Variants in CASZ1 observed in about 807,000 individuals in gnomAD.
CASZ1 encodes castor zinc finger 1, also known as zinc finger protein castor homolog 1.
A neutral mutation model predicts 135.2 loss-of-function variants in CASZ1; 28 were observed. The ratio of observed to expected loss-of-function variants is 0.21; its 90% confidence interval spans 0.15 to 0.28. The LOEUF (loss-of-function observed/expected upper bound fraction) is 0.28. Among genes scored for constraint, CASZ1 ranks in the 10% least tolerant of loss-of-function variants. The pLI is 1.00. For synonymous variants in CASZ1, 1,068 were observed against 1,073.4 expected (o/e 0.99, Z 0.10); for missense variants, 2,161 against 2,453.3 (o/e 0.88, Z 2.52).
At chr1:10,778,141 G>A (rs956858696) in intron 1 of CASZ1, among the ~76,000 whole-genome samples, 3 of 150,072 alleles carry the variant, frequency 2.0e-5, no homozygotes, top group Non-Finnish European at 4.4e-5. Flanking sequence ...TCAAACACAA[G>A]CACAATCTCA....
rs986732895 is a variant in CASZ1 at position 10,657,056 on chromosome 1, G to T, written c.1410-320C>A. Among the ~76,000 whole-genome samples the T allele has an allele frequency of 6.6e-6, 1 of 152,198 alleles. No individual in the cohort carries two copies. The highest frequency in any genetic ancestry group is 1.5e-5 in the Non-Finnish European group (1 of 68,024). ...CTGCCCACCTGTCTTTTCTGCAGGG[G>T]CTACCTGCCCCACTCCCAGCCCGCC... On this transcript the variant is annotated intron_variant, in intron 7 of 20. Transcript: ENST00000377022. The surrounding 1 kb of genome is among the most constrained non-coding windows in gnomAD (Gnocchi z 5.7).
Position 10,701,737 on chromosome 1 carries a change from C to A in CASZ1, c.-24+3755G>T, listed in dbSNP as rs1381203469. ...CTGGTTTGAGGGCTGGCAGCCTTGG[C>A]CGGGACGGACTGGGGCCAGGGCTCA... On this transcript the variant is annotated intron_variant, in intron 3 of 20. Coordinates refer to ENST00000377022, the MANE Select transcript of CASZ1 (RefSeq NM_001079843.3). The surrounding 1 kb of genome is among the most constrained non-coding windows in gnomAD (Gnocchi z 6.3). 6.6e-6 allele frequency among the ~76,000 whole-genome samples: 1 copy of A among 152,198 alleles called. No individual in the cohort carries two copies. Among genetic ancestry groups the A allele is most frequent in the African/African-American group, 2.4e-5 (1 of 41,444 alleles).
At chr1:10,713,016 C>T (rs533856214) in intron 2 of CASZ1, among the ~76,000 whole-genome samples, 2 of 152,242 alleles carry the variant, frequency 1.3e-5, no homozygotes, top group East Asian at 1.9e-4. Context: ...GGGGCAGCCC[C>T]CTCAAGCTCC....
At chr1:10,781,265 C>T (rs1327866010) in intron 1 of CASZ1, among the ~76,000 whole-genome samples, 1 of 152,216 alleles carries the variant, frequency 6.6e-6, no homozygotes, top group Non-Finnish European at 1.5e-5. Flanking sequence ...TGTGCAATGA[C>T]TCGGAGGACA....
rs77790582 is a variant in CASZ1, at chr1:10,668,701, G to A, written c.17-3130C>T. ...TGGGGTCAGGGAGTTGGGAGCTCACGGCGGAGCTCTGCCCTGCGCTAGCTC... is the reference window on the plus strand; with the variant it reads ...TGGGGTCAGGGAGTTGGGAGCTCACAGCGGAGCTCTGCCCTGCGCTAGCTC... On this transcript the variant is annotated intron_variant, in intron 4 of 20. Coordinates refer to ENST00000377022, the MANE Select transcript of CASZ1 (RefSeq NM_001079843.3). 9.3e-3 allele frequency among the ~76,000 whole-genome samples: 1,424 copies of A among 152,352 alleles called. 31 individuals carry two copies. The highest frequency in any genetic ancestry group is 0.033 in the African/African-American group (1,363 of 41,594).
intron 6 of CASZ1, 84 bp from the exon 7 acceptor site, chr1:10,658,660 CTG>C: frequency 8.2e-7 from 1 of 1,225,124 alleles, no homozygotes; most frequent in East Asian, 2.3e-5. Flanking sequence ...AGCCCCTGCC[CTG>C]AGGCCCCAGC....
rs1285036104 is a variant in CASZ1 at position 10,646,071 on chromosome 1, A to G, written c.3696+57T>C. The G allele has an allele frequency of 1.3e-6, 2 of 1,544,928 alleles. No homozygotes were observed. The highest frequency in any genetic ancestry group is 4.5e-5 in the East Asian group (2 of 44,396). ...AGGTGACTGTCCTGTGCCCTGAGCTAGCCCTGCACCTCCCTGCCCCCTACT... is the reference window on the plus strand; with the variant it reads ...AGGTGACTGTCCTGTGCCCTGAGCTGGCCCTGCACCTCCCTGCCCCCTACT... On this transcript the variant is annotated intron_variant, in intron 17 of 20. Transcript: ENST00000377022. This position sits in a 1 kb window ranked among gnomAD's most constrained non-coding sequence, Gnocchi z 6.4.
At chr1:10,723,382 T>C (rs1027818098) in intron 2 of CASZ1, among the ~76,000 whole-genome samples, 7 of 152,312 alleles carry the variant, frequency 4.6e-5, no homozygotes, top group African/African-American at 1.7e-4. Flanking sequence ...GGGCTCTCAC[T>C]GTGCCATGAT....
rs532198623 is a variant in CASZ1 at position 10,720,387 on chromosome 1, G to A, written c.-76-14843C>T. The stretch of plus-strand genomic sequence containing the variant: ...CGTGCCTTTGGGGCTGGTGATGGCA[G>A]AGAGACTGGCAGCACTGACCAGCCC... On this transcript the variant is annotated intron_variant, in intron 2 of 20. Coordinates refer to ENST00000377022, the MANE Select transcript of CASZ1 (RefSeq NM_001079843.3). The surrounding 1 kb of genome is among the most constrained non-coding windows in gnomAD (Gnocchi z 5.7). 6.6e-6 allele frequency among the ~76,000 whole-genome samples: 1 copy of A among 152,308 alleles called. No individual in the cohort carries two copies. The highest frequency in any genetic ancestry group is 2.4e-5 in the African/African-American group (1 of 41,578).
intron 5 of CASZ1, 100 bp downstream of exon 5, chr1:10,664,983 C>T (rs1643179928): frequency 1.2e-5 from 16 of 1,310,468 alleles, no homozygotes; most frequent in Non-Finnish European, 1.6e-5. Flanking sequence ...GTATTTAGAG[C>T]AGGAGTGAGG....
rs60694428 is a variant in CASZ1 at position 10,762,489 on chromosome 1, G to A, written c.-233-1632C>T. Among the ~76,000 whole-genome samples the A allele has an allele frequency of 0.042, 6,319 of 152,070 alleles. 167 individuals are homozygous for A. The highest frequency in any genetic ancestry group is 0.084 in the South Asian group (403 of 4,792). On this transcript the variant is annotated intron_variant, in intron 1 of 20. Coordinates refer to ENST00000377022, the MANE Select transcript of CASZ1 (RefSeq NM_001079843.3). This position sits in a 1 kb window ranked among gnomAD's most constrained non-coding sequence, Gnocchi z 4.1. ...GCCACTGGGAGACTCACTCCTCTGG[G>A]CTCTGAAACTCCCCTGCCTGTTAGT...
At chr1:10,796,121 C>A (rs1641065740) in intron 1 of CASZ1, among the ~76,000 whole-genome samples, 1 of 152,070 alleles carries the variant, frequency 6.6e-6, no homozygotes, top group Non-Finnish European at 1.5e-5. Context: ...CACCTGCCCC[C>A]CCGGGAGCCC....
chr1:10,771,987 C>T (rs1640585535), intron 1 of CASZ1, among the ~76,000 whole-genome samples: 1 of 152,182 alleles, frequency 6.6e-6, no homozygotes. Flanking sequence ...CTGTCTGTGC[C>T]CTGATCTCAG....
At chr1:10,772,561 T>A (rs79831906) in intron 1 of CASZ1, among the ~76,000 whole-genome samples, 3,723 of 152,188 alleles carry the variant, frequency 0.024, 149 homozygotes, top group African/African-American at 0.084. Flanking sequence ...CTGCCACACA[T>A]GAAGAATGGA....
At chr1:10,674,404 C>T (rs747272977) in intron 4 of CASZ1, among the ~76,000 whole-genome samples, 4 of 152,254 alleles carry the variant, frequency 2.6e-5, no homozygotes, top group African/African-American at 4.8e-5. Context: ...GCGTGGGGTC[C>T]GAGCCTTCCC....
rs1432441862 is a variant in CASZ1, at chr1:10,649,375, G to T, written c.2943C>A (p.Ser981Arg). The change falls in exon 14 of 21, where the codon AGC (serine) becomes AGA (arginine). Residue 981 changes from serine to arginine, a missense_variant. By Grantham distance (110) the Ser-to-Arg change is moderately radical (BLOSUM62 -1). Transcript: ENST00000377022. Reference protein sequence around the residue: ...LLNIKAEAEGSPAAEPSPFLG... With the variant: ...LLNIKAEAEGRPAAEPSPFLG... ...GGAAGGGCGAGGGCTCCGCAGCGGG[G>T]CTCCCCTCCGCTTCCGCCTTGATGT... 2 of 1,607,260 alleles carry T rather than the reference G, an allele frequency of 1.2e-6. No homozygotes were observed. The highest frequency in any genetic ancestry group is 1.3e-5 in the African/African-American group (1 of 74,798).
intron 13 of CASZ1, 148 bp from the exon 14 acceptor site, chr1:10,649,585 G>T: frequency 1.1e-6 from 1 of 906,534 alleles, no homozygotes; most frequent in Non-Finnish European, 1.6e-6. Context: ...CTTGGCTCTG[G>T]CTGTGGCTGG....
At chr1:10,737,472 G>A (rs900053168) in intron 2 of CASZ1, among the ~76,000 whole-genome samples, 3 of 152,254 alleles carry the variant, frequency 2.0e-5, no homozygotes, top group Non-Finnish European at 2.9e-5. Context: ...GGGCAGAGAA[G>A]TGGGTGGGGT....
At chr1:10,663,024 T>C (rs571153728) in intron 5 of CASZ1, among the ~76,000 whole-genome samples, 2 of 152,130 alleles carry the variant, frequency 1.3e-5, no homozygotes, top group Admixed American at 1.3e-4. Context: ...CCGTGTGCCA[T>C]GCCCTGCATC....
Sources: gnomAD v4.1 joint callset for allele counts (sites outside exome capture counted in the v4.1 genomes callset) on GRCh38, gnomAD v4.1.1 for gene constraint, Gnocchi (gnomAD v3.1) non-coding constraint, MANE v1.5 for transcripts, NCBI Gene and HGNC (gene_info 2026-07-23, HGNC 2026-07-21) for gene names.